Variants in NMRK2 observed in about 807,000 individuals in gnomAD.
The protein encoded by NMRK2 is nicotinamide riboside kinase 2, also known as NRK 2.
NMRK2 carries 34 observed loss-of-function variants against 24.7 expected under a neutral mutation model. The observed-to-expected ratio is 1.37, with a 90% CI of 1.05 to 1.83. The LOEUF (loss-of-function observed/expected upper bound fraction) is 1.83, where lower values mean the gene tolerates loss of function less well. Ranked by LOEUF, NMRK2 falls within the 40% of genes most tolerant of loss-of-function variation. The pLI, the probability that NMRK2 is intolerant of heterozygous loss-of-function variation, is 0.00. For missense variants in NMRK2, 341 were observed against 315.0 expected (o/e 1.08, Z -0.62); for synonymous variants, 145 against 125.6 (o/e 1.15, Z -1.03).
At chr19:3,939,208 G>GT (rs1290270419) in intron 5 of NMRK2, among the ~76,000 whole-genome samples, 1 of 151,836 alleles carries the variant, frequency 6.6e-6, no homozygotes, top group African/African-American at 2.4e-5. Context: ...GAAGTCAGGA[G>GT]TTGGGGGCAG....
chr19:3,934,924 C>T (rs903701922), intron 2 of NMRK2, among the ~76,000 whole-genome samples: 1 of 152,116 alleles, frequency 6.6e-6, no homozygotes, highest in Non-Finnish European at 1.5e-5. Flanking sequence ...TTTCATTTTG[C>T]ACTCAGCGCT....
At position 3,939,863 on chromosome 19, in the gene NMRK2, T is replaced by TCACAGA. The variant is rs544946486; in HGVS notation, c.324-32_324-31insACACAG. On this transcript the variant is annotated intron_variant, in intron 5 of 7. Transcript: ENST00000168977. ...ATTTTGACTGCGGTTGAAGGAAAGCTCACAGGTGCTGACCGTGTCTCCCCC... is the reference window on the plus strand; with the variant it reads ...ATTTTGACTGCGGTTGAAGGAAAGCTCACAGACACAGGTGCTGACCGTGTCTCCCCC... 2.7e-3 allele frequency: 4,339 copies of TCACAGA among 1,585,808 alleles called. 25 individuals carry two copies. The highest frequency in any genetic ancestry group is 3.2e-3 in the Non-Finnish European group (3,690 of 1,155,046).
chr19:3,934,634 T>C (rs1373419592), intron 2 of NMRK2, among the ~76,000 whole-genome samples: 2 of 150,396 alleles, frequency 1.3e-5, no homozygotes, highest in South Asian at 4.2e-4. Flanking sequence ...CAGGCTGGAG[T>C]GCAGTGGTGT....
Position 3,933,716 on chromosome 19 carries a change from G to A in NMRK2, c.26+19G>A, listed in dbSNP as rs1280685352. 3 of 1,423,890 alleles carry A rather than the reference G, an allele frequency of 2.1e-6. No homozygotes were observed. The highest frequency in any genetic ancestry group is 2.8e-6 in the Non-Finnish European group (3 of 1,089,306). 88.2% of individuals were successfully genotyped at this position (1,423,890 alleles called of 1,614,324 possible). ...TCGGAGGGTGAGCGCCGGGGGACCT[G>A]GTGGGCGGCCCTGCGGGGCAAAGCC... On this transcript the variant is annotated intron_variant, in intron 2 of 7. Coordinates refer to ENST00000168977, the MANE Select transcript of NMRK2 (RefSeq NM_170678.3).
intron 2 of NMRK2, among the ~76,000 whole-genome samples, chr19:3,936,062 T>G (rs1449269721): frequency 6.6e-6 from 1 of 151,874 alleles, no homozygotes; most frequent in Non-Finnish European, 1.5e-5. Flanking sequence ...AACACAAAAA[T>G]TAGTTGGGTG....
At chr19:3,940,774 G>A (rs367824126) in intron 6 of NMRK2, among the ~76,000 whole-genome samples, 3 of 150,742 alleles carry the variant, frequency 2.0e-5, no homozygotes, top group African/African-American at 7.3e-5. Context: ...CACTGGACAC[G>A]GGCCACATCC....
intron 3 of NMRK2, 121 bp downstream of exon 3, chr19:3,936,786 T>G (rs1239598295): frequency 2.0e-5 from 15 of 760,540 alleles, no homozygotes; most frequent in Non-Finnish European, 3.1e-5. Flanking sequence ...CTCCACTCCC[T>G]GCCTGACCCC....
At chr19:3,934,169 A>T (rs2039170823) in intron 2 of NMRK2, among the ~76,000 whole-genome samples, 1 of 152,106 alleles carries the variant, frequency 6.6e-6, no homozygotes, top group Non-Finnish European at 1.5e-5. Context: ...AATCGCTTGA[A>T]TCCGGGAGAT....
At chr19:3,938,841 TTTGTTTTG>T (rs1568180869) in intron 5 of NMRK2, 82 bp downstream of exon 5, 8 of 379,314 alleles carry the variant, frequency 2.1e-5, no homozygotes, top group African/African-American at 4.4e-5. Context: ...TTTTTTTTTT[TTTGTTTTG>T]TTTTTTTTTT....
intron 4 of NMRK2, 91 bp from the exon 5 acceptor site, chr19:3,938,512 T>C: frequency 8.9e-7 from 1 of 1,127,898 alleles, no homozygotes; most frequent in South Asian, 2.1e-5. Context: ...CCATCCACCG[T>C]CCCCTGGGGT....
At chr19:3,934,616 T>C (rs2039181671) in intron 2 of NMRK2, among the ~76,000 whole-genome samples, 1 of 151,766 alleles carries the variant, frequency 6.6e-6, no homozygotes. Context: ...AGTCTTGCTC[T>C]GTTGCCCCAG....
intron 7 of NMRK2, among the ~76,000 whole-genome samples, chr19:3,941,761 G>T (rs968792835): frequency 6.6e-6 from 1 of 152,008 alleles, no homozygotes; most frequent in Admixed American, 6.6e-5. Context: ...CCCTGCCTCA[G>T]CCTCCTGAAT....
intron 5 of NMRK2, 85 bp downstream of exon 5, chr19:3,938,844 G>GTTTTTTT (rs1269335341): frequency 1.5e-4 from 27 of 174,624 alleles, no homozygotes; most frequent in South Asian, 1.6e-4. Flanking sequence ...TTTTTTTTTT[G>GTTTTTTT]TTTTGTTTTT....
chr19:3,941,080 C>T lies in NMRK2; in HGVS notation c.405C>T (p.Asn135=), dbSNP rs764255632. The change falls in exon 7 of 8, where the codon AAC becomes AAT. Residue 135 remains asparagine (N), a synonymous_variant. Transcript: ENST00000168977. ...CCTTCTCCCTCTGCAGTACCCGCAA[C>T]TACACAGTCCCTGATCCCCCCGGCC... ...EECKWRRSTR[N]YTVPDPPGLF... is the part of the protein sequence containing the mutation. The T allele has an allele frequency of 3.1e-6, 5 of 1,612,464 alleles. No homozygotes were observed. The highest frequency in any genetic ancestry group is 1.7e-4 in the Middle Eastern group (1 of 6,048).
Position 3,936,615 on chromosome 19 carries a change from C to T in NMRK2, c.67C>T (p.Leu23Phe). The change falls in exon 3 of 8, where the codon CTC becomes TTC. Residue 23 changes from leucine (L) to phenylalanine (F), a missense_variant. Coordinates refer to ENST00000168977, the MANE Select transcript of NMRK2 (RefSeq NM_170678.3). ...GGKTTLTNSL[L>F]RALPNCCVIH... ...CAAGACCACGCTGACCAACAGCCTG[C>T]TCAGAGCCCTGCCCAACTGCTGCGT... 1.9e-6 allele frequency: 3 copies of T among 1,574,374 alleles called. No homozygotes were observed. Among genetic ancestry groups the T allele is most frequent in the Non-Finnish European group, 1.7e-6 (2 of 1,160,536 alleles).
At position 3,933,540 on chromosome 19, in the gene NMRK2, C is replaced by A; in HGVS notation, c.-132C>A. On this transcript the variant is annotated 5_prime_UTR_variant, in exon 2 of 8. Transcript: ENST00000168977. Reference sequence around the variant, plus strand: ...CAGGGGCCGCCTCCCCCGGGGCGGCCTCCAGGCTGCCGAGACCTATAAAGG... The same window carrying A: ...CAGGGGCCGCCTCCCCCGGGGCGGCATCCAGGCTGCCGAGACCTATAAAGG... The A allele has an allele frequency of 9.1e-7, 1 of 1,104,282 alleles. No homozygotes were observed. Among genetic ancestry groups the A allele is most frequent in the Non-Finnish European group, 1.2e-6 (1 of 808,982 alleles). The allele number at this position is 1,104,282 out of a possible 1,614,324, so 68.4% of individuals were successfully genotyped here. A position where few individuals can be genotyped will look rare whatever the true frequency, so the allele number is the denominator to read the frequency against.
At chr19:3,941,000 C>A in intron 6 of NMRK2, 71 bp from the exon 7 acceptor site, 2 of 998,546 alleles carry the variant, frequency 2.0e-6, no homozygotes, top group Non-Finnish European at 3.1e-6. Context: ...GCTTTCAGGC[C>A]CCCCACCGGG....
chr19:3,937,065 G>C (rs1358930669), intron 3 of NMRK2, among the ~76,000 whole-genome samples, 175 bp from the exon 4 acceptor site: 3 of 152,012 alleles, frequency 2.0e-5, no homozygotes, highest in Non-Finnish European at 2.9e-5. Flanking sequence ...TGTGGGTGGG[G>C]GTGAGGGCTA....
chr19:3,937,307 T>C lies in NMRK2; in HGVS notation c.166+19T>C. On this transcript the variant is annotated intron_variant, in intron 4 of 7. Transcript: ENST00000168977. ...TGGGACGGTAAGGACAAGCATCACC[T>C]CCAAGCCCCACTATCCCCCGGGGTC... 6.2e-7 allele frequency: 1 copy of C among 1,611,504 alleles called. No homozygotes were observed. The highest frequency in any genetic ancestry group is 1.1e-5 in the South Asian group (1 of 90,932).
Sources: allele counts gnomAD v4.1 joint callset (sites outside exome capture counted in the v4.1 genomes callset), GRCh38; gene constraint gnomAD v4.1.1; transcripts MANE v1.5; gene names NCBI Gene and HGNC (gene_info 2026-07-23, HGNC 2026-07-21).